Variants in GCM1 observed in about 807,000 individuals in gnomAD.
GCM1 encodes chorion-specific transcription factor GCMa.
A neutral mutation model predicts 25.7 loss-of-function variants in GCM1; 2 were observed. That is an observed-to-expected ratio of 0.08 (90% CI 0.03 to 0.24). GCM1 has a LOEUF of 0.24. Ranked by LOEUF, GCM1 falls within the 10% of genes least tolerant of loss-of-function variation. GCM1 has a pLI of 1.00. For synonymous variants in GCM1, 183 were observed against 195.7 expected, an observed-to-expected ratio of 0.94 and a Z score of 0.54; for missense variants, 395 against 538.7, an observed-to-expected ratio of 0.73 and a Z score of 2.64.
At chr6:53,129,954 G>C (rs192650263) in intron 5 of GCM1, among the ~76,000 whole-genome samples, 1 of 152,328 alleles carries the variant, frequency 6.6e-6, no homozygotes, top group Non-Finnish European at 1.5e-5. Flanking sequence ...ACTACTAGCT[G>C]TTAAGGGGAT....
chr6:53,132,288 TG>T (rs1419184197), intron 3 of GCM1, among the ~76,000 whole-genome samples, 169 bp from the exon 4 acceptor site: 2 of 152,214 alleles, frequency 1.3e-5, no homozygotes, highest in African/African-American at 4.8e-5. Context: ...CTCAGAAGCC[TG>T]GCCACTAAAA....
intron 1 of GCM1, among the ~76,000 whole-genome samples, chr6:53,146,032 T>C (rs1581857145): frequency 6.6e-6 from 1 of 152,064 alleles, no homozygotes. Flanking sequence ...GCAGAGACAG[T>C]TGTCATCTGT....
chr6:53,128,532 G>T lies in GCM1; in HGVS notation c.985C>A (p.Pro329Thr). ...PLTSWPCSFS[P>T]SQNSSEPFYQ... ...AAGGGTTCTGAAGAGTTTTGGGAAG[G>T]AGAGAAGCTGCAAGGCCAGCTGGTC... The change falls in exon 6 of 6, where the codon CCT becomes ACT. Residue 329 changes from proline to threonine, a missense_variant. Pro to Thr is a conservative substitution (Grantham distance 38). Around this residue, in one of 5 missense-constraint regions of GCM1, gnomAD observed 291 missense variants for 314.6 expected, o/e 0.92. Coordinates refer to ENST00000259803, the MANE Select transcript of GCM1 (RefSeq NM_003643.4). 1 of 1,614,006 alleles carries T rather than the reference G, an allele frequency of 6.2e-7. No individual in the cohort carries two copies. Among genetic ancestry groups the T allele is most frequent in the Non-Finnish European group, 8.5e-7 (1 of 1,179,868 alleles).
chr6:53,141,563 A>G (rs1301759177), intron 2 of GCM1, among the ~76,000 whole-genome samples: 1 of 152,000 alleles, frequency 6.6e-6, no homozygotes, highest in Non-Finnish European at 1.5e-5. Context: ...GGCAGGTGCA[A>G]GTAGTCCCAG....
At chr6:53,141,608 A>G (rs948690978) in intron 2 of GCM1, among the ~76,000 whole-genome samples, 2 of 151,886 alleles carry the variant, frequency 1.3e-5, no homozygotes, top group Admixed American at 6.6e-5. Context: ...AATGGTGTGA[A>G]CCCGGGAGGT....
intron 2 of GCM1, among the ~76,000 whole-genome samples, chr6:53,142,678 C>T (rs950343750): frequency 6.6e-6 from 1 of 151,952 alleles, no homozygotes; most frequent in Non-Finnish European, 1.5e-5. Flanking sequence ...ACAATGGAGC[C>T]ATTCATTAAT....
chr6:53,133,764 G>C (rs530872159), intron 3 of GCM1, among the ~76,000 whole-genome samples: 20 of 152,328 alleles, frequency 1.3e-4, no homozygotes, highest in Middle Eastern at 3.4e-3. Flanking sequence ...AAAGTGCTGA[G>C]ATTACAGGTG....
At position 53,138,139 on chromosome 6, in the gene GCM1, A is replaced by G. The variant is rs1211241801; in HGVS notation, c.76-3815T>C. On this transcript the variant is annotated intron_variant, in intron 2 of 5. Coordinates refer to ENST00000259803, the MANE Select transcript of GCM1 (RefSeq NM_003643.4). ...TCTATCAAAAATACAAAAATTAGCC[A>G]GGCATGGTGGCACATGCCTGTTATC... Among the ~76,000 whole-genome samples the G allele has an allele frequency of 2.0e-5, 3 of 152,030 alleles. No homozygotes were observed. The East Asian group carries it at 5.8e-4, about 29-fold the overall frequency.
chr6:53,134,537 C>CACAG (rs1359811244), intron 2 of GCM1, among the ~76,000 whole-genome samples: 1 of 152,194 alleles, frequency 6.6e-6, no homozygotes, highest in African/African-American at 2.4e-5. Flanking sequence ...GGCATTCAGC[C>CACAG]GCTGGACCAA....
intron 2 of GCM1, among the ~76,000 whole-genome samples, chr6:53,145,251 G>A (rs1343298079): frequency 6.6e-6 from 1 of 152,144 alleles, no homozygotes; most frequent in Non-Finnish European, 1.5e-5. Context: ...AAATCATCAC[G>A]GATTTTATCA....
In GCM1 at chr6:53,128,600, T is replaced by C. The variant is rs2127507700; in HGVS notation, c.917A>G (p.Asn306Ser). ...AWSKNAALGR[N>S]HLADNCYSNY... ...GGAATAACAGTTGTCAGCAAGATGA[T>C]TTCTCCCCAAAGCAGCATTTTTACT... Residue 306 changes from asparagine (N) to serine (S), a missense_variant, in exon 6 of 6, where the codon AAT (asparagine) becomes AGT (serine). By Grantham distance (46) the Asn-to-Ser change is conservative. Coordinates refer to ENST00000259803, the MANE Select transcript of GCM1 (RefSeq NM_003643.4). 5.0e-6 allele frequency: 8 copies of C among 1,614,106 alleles called. No individual in the cohort carries two copies. In the East Asian group the frequency reaches 1.3e-4, roughly 27 times the overall value.
In GCM1 at chr6:53,134,411, T is replaced by C; in HGVS notation, c.76-87A>G. On this transcript the variant is annotated intron_variant, in intron 2 of 5. Coordinates refer to ENST00000259803, the MANE Select transcript of GCM1 (RefSeq NM_003643.4). ...GTGGAGTGAGTAGATAGGAAGGATG[T>C]TTTGGCATTCAGGAGCTGGGCAAGA... is the stretch of plus-strand genomic sequence containing the variant. 3.8e-6 allele frequency: 5 copies of C among 1,325,880 alleles called. No homozygotes were observed. In the South Asian group the frequency reaches 6.6e-5, roughly 17 times the overall value. 82.1% of individuals were successfully genotyped at this position (1,325,880 alleles called of 1,614,324 possible).
intron 5 of GCM1, among the ~76,000 whole-genome samples, chr6:53,130,086 G>A: frequency 6.6e-6 from 1 of 152,078 alleles, no homozygotes. Context: ...GGTTTGGGGG[G>A]CTTGCATTTC....
chr6:53,145,424 G>C, intron 2 of GCM1, 134 bp downstream of exon 2: 2 of 689,798 alleles, frequency 2.9e-6, no homozygotes, highest in Non-Finnish European at 5.2e-6. Context: ...TCAGTCGGCT[G>C]TCTAGCTGAA....
At chr6:53,136,599 G>A (rs902280281) in intron 2 of GCM1, among the ~76,000 whole-genome samples, 14 of 152,176 alleles carry the variant, frequency 9.2e-5, no homozygotes, top group African/African-American at 3.4e-4. Flanking sequence ...GTGGTTGTAA[G>A]AGTCACTGGC....
rs112673732 is a variant in GCM1, at chr6:53,128,787, G to A, written c.730C>T (p.Leu244=). 21 of 1,613,444 alleles carry A rather than the reference G, an allele frequency of 1.3e-5. No homozygotes were observed. Among genetic ancestry groups the A allele is most frequent in the African/African-American group, 9.3e-5 (7 of 74,916 alleles). The change falls in exon 6 of 6, where the codon CTG becomes TTG. Residue 244 remains leucine (L), a synonymous_variant. Transcript: ENST00000259803. ...TCAGTCAGATCTGTGATTCCTCCCA[G>A]ACCATAACTCTTGGAGAAGGAAAAG... The part of the protein sequence containing the change: ...DCFSFSKSYG[L]GGITDLTDQT...
In GCM1 at chr6:53,128,051, A is replaced by AAAAAAAAAAC. The variant is rs1763668324; in HGVS notation, c.*154_*155insGTTTTTTTTT. On this transcript the variant is annotated 3_prime_UTR_variant, in exon 6 of 6. Coordinates refer to ENST00000259803, the MANE Select transcript of GCM1 (RefSeq NM_003643.4). ...CTCAAAAAAAAAAAAAAAAAAAAAAAAAGAAGGAAAAAAGAAAAAGAAAAA... is the reference window on the plus strand; with the variant it reads ...CTCAAAAAAAAAAAAAAAAAAAAAAAAAAAAAAAACAAGAAGGAAAAAAGAAAAAGAAAAA... 3.0e-6 allele frequency: 1 copy of AAAAAAAAAAC among 332,522 alleles called. No individual in the cohort carries two copies. The highest frequency in any genetic ancestry group is 2.2e-5 in the African/African-American group (1 of 44,764). 20.6% of individuals were successfully genotyped at this position (332,522 alleles called of 1,614,324 possible).
chr6:53,148,081 T>C (rs997049759), intron 1 of GCM1, among the ~76,000 whole-genome samples: 3 of 152,212 alleles, frequency 2.0e-5, no homozygotes, highest in East Asian at 1.9e-4. Context: ...TAAATCCTCA[T>C]GGATTTTAAG....
chr6:53,128,496 G>A lies in GCM1; in HGVS notation c.1021C>T (p.Leu341Phe), dbSNP rs753713611. 6.2e-7 allele frequency: 1 copy of A among 1,614,076 alleles called. No individual in the cohort carries two copies. The highest frequency in any genetic ancestry group is 8.5e-7 in the Non-Finnish European group (1 of 1,179,912). ...QNSSEPFYQQ[L>F]PLEPPAAKTG... ...TTGGCTGCAGGTGGCTCCAATGGAA[G>A]CTGCTGGTAAAAGGGTTCTGAAGAG... Residue 341 changes from leucine to phenylalanine, a missense_variant, in exon 6 of 6, where the codon CTT (leucine) becomes TTT (phenylalanine). By Grantham distance (22) the Leu-to-Phe change is conservative (BLOSUM62 0). Around this residue, in one of 5 missense-constraint regions of GCM1, gnomAD observed 291 missense variants for 314.6 expected, o/e 0.92. Transcript: ENST00000259803.
Sources: gnomAD v4.1 joint callset for allele counts (sites outside exome capture counted in the v4.1 genomes callset) on GRCh38, gnomAD v4.1.1 for gene constraint, gnomAD v4.1.1 regional missense constraint, MANE v1.5 for transcripts, NCBI Gene and HGNC (gene_info 2026-07-23, HGNC 2026-07-21) for gene names.